The following LPA variants were observed in gnomAD, a reference collection of about 807,000 sequenced individuals.
LPA encodes lipoprotein(a), also known as apolipoprotein(a).
LPA carries 199 observed loss-of-function variants against 197.9 expected under a neutral mutation model. The ratio of observed to expected loss-of-function variants is 1.01; its 90% CI spans 0.90 to 1.13. The LOEUF is 1.13. Ranked by LOEUF, LPA falls within the 50% of genes most tolerant of loss-of-function variation. The pLI is 0.00. For synonymous variants in LPA, 715 were observed against 639.5 expected (o/e 1.12, Z -1.78); for missense variants, 1,853 against 1,785.8 (o/e 1.04, Z -0.68).
chr6:160,596,143 C>T (rs1779127700), intron 20 of LPA, among the ~76,000 whole-genome samples: 1 of 152,198 alleles, frequency 6.6e-6, no homozygotes, highest in South Asian at 2.1e-4. Context: ...TCAAAATCTT[C>T]TTTTCAGCTT....
At chr6:160,585,763 G>A (rs993193305) in intron 25 of LPA, among the ~76,000 whole-genome samples, 1 of 152,040 alleles carries the variant, frequency 6.6e-6, no homozygotes, top group Non-Finnish European at 1.5e-5. Flanking sequence ...AGCCTAGGAG[G>A]GGAGACAGGG....
At chr6:160,662,358 A>G (rs1780241000) in intron 1 of LPA, among the ~76,000 whole-genome samples, 1 of 152,242 alleles carries the variant, frequency 6.6e-6, no homozygotes, top group Admixed American at 6.5e-5. Context: ...TAAAAGACTT[A>G]GCAATTTGTG....
At chr6:160,554,614 T>C (rs992575146) in intron 30 of LPA, among the ~76,000 whole-genome samples, 1 of 152,090 alleles carries the variant, frequency 6.6e-6, no homozygotes, top group African/African-American at 2.4e-5. Context: ...AGAACCCCGG[T>C]ATCCCCCAGT....
At chr6:160,632,809 T>C (rs1245194521) in intron 8 of LPA, among the ~76,000 whole-genome samples, 1 of 48,834 alleles carries the variant, frequency 2.0e-5, no homozygotes, top group African/African-American at 1.4e-4. Flanking sequence ...GAGACTTCTA[T>C]GCGTATTTGT....
rs1034478456 is a variant in LPA, at chr6:160,539,925, C to T, written c.5735+118G>A. ...TGATGCTGTCCCCAAAGCCCTTGAG[C>T]CTTTCATGTGATAGACAGTTCCTCC... On this transcript the variant is annotated intron_variant, in intron 36 of 38. Transcript: ENST00000316300. 29 of 1,401,764 alleles carry T rather than the reference C, an allele frequency of 2.1e-5. No individual in the cohort carries two copies. The Admixed American group carries it at 4.3e-4, about 21-fold the overall frequency. 86.8% of individuals were successfully genotyped at this position (1,401,764 alleles called of 1,614,324 possible). A position where few individuals can be genotyped will look rare whatever the true frequency, so the allele number is the denominator to read the frequency against.
At chr6:160,599,810 C>G (rs1480851170) in intron 19 of LPA, 151 bp from the exon 20 acceptor site, 2 of 780,782 alleles carry the variant, frequency 2.6e-6, no homozygotes, top group Non-Finnish European at 4.2e-6. Context: ...AGAAAACACA[C>G]AAACAAACAC....
At chr6:160,590,087 G>A (rs1334970505) in intron 23 of LPA, among the ~76,000 whole-genome samples, 2 of 152,152 alleles carry the variant, frequency 1.3e-5, no homozygotes, top group African/African-American at 2.4e-5. Flanking sequence ...GTCAGTGGGG[G>A]CAGACATGAA....
chr6:160,553,950 TGTGTGCGCGCGCGC>T (rs1778209404), intron 30 of LPA, among the ~76,000 whole-genome samples: 1 of 120,842 alleles, frequency 8.3e-6, no homozygotes, highest in African/African-American at 3.6e-5. Flanking sequence ...TGTGTGTGTG[TGTGTGCGCGCGCGC>T]GCGTGTGCGT....
chr6:160,547,758 G>A (rs539543202), intron 32 of LPA, 31 bp downstream of exon 32: 2 of 1,613,826 alleles, frequency 1.2e-6, no homozygotes, highest in East Asian at 2.2e-5. Flanking sequence ...TGTCAGCAAA[G>A]GGAAAAAGAG....
intron 28 of LPA, among the ~76,000 whole-genome samples, chr6:160,564,122 T>C (rs1172439452): frequency 6.6e-6 from 1 of 152,230 alleles, no homozygotes; most frequent in Non-Finnish European, 1.5e-5. Context: ...GCTAGCTGGC[T>C]ATTTTGCCCA....
chr6:160,543,831 C>A (rs952811272), intron 33 of LPA, among the ~76,000 whole-genome samples: 1 of 152,200 alleles, frequency 6.6e-6, no homozygotes, highest in African/African-American at 2.4e-5. Flanking sequence ...CTTTCTCCAA[C>A]CAGAGGCTCT....
intron 20 of LPA, among the ~76,000 whole-genome samples, chr6:160,597,431 T>C (rs1184905113): frequency 6.6e-6 from 1 of 152,352 alleles, no homozygotes; most frequent in East Asian, 1.9e-4. Context: ...GTTTCAATGC[T>C]CGTGTGGCTC....
At chr6:160,551,628 TA>T (rs1778167716) in intron 30 of LPA, among the ~76,000 whole-genome samples, 2 of 152,236 alleles carry the variant, frequency 1.3e-5, no homozygotes, top group South Asian at 4.1e-4. Context: ...GTGAAGATTT[TA>T]TATTTTTTCA....
intron 1 of LPA, among the ~76,000 whole-genome samples, chr6:160,651,521 T>C (rs1780005203): frequency 6.6e-6 from 1 of 152,230 alleles, no homozygotes; most frequent in South Asian, 2.1e-4. Context: ...TTGACTCAAT[T>C]GACCACAAAA....
At chr6:160,570,177 C>T (rs1186407654) in intron 28 of LPA, among the ~76,000 whole-genome samples, 5 of 152,212 alleles carry the variant, frequency 3.3e-5, no homozygotes, top group African/African-American at 1.2e-4. Context: ...TATAAAGACA[C>T]ATGCACACAT....
intron 29 of LPA, among the ~76,000 whole-genome samples, chr6:160,556,650 A>T (rs1326207057): frequency 1.3e-5 from 2 of 152,152 alleles, no homozygotes; most frequent in East Asian, 3.9e-4. Context: ...ATGGTCCTGC[A>T]TCTAGTACTT....
rs1779688395 is a variant in LPA at position 160,631,745 on chromosome 6, T to A, written c.1236-1990A>T. 7.9e-5 allele frequency among the ~76,000 whole-genome samples: 12 copies of A among 151,152 alleles called. No homozygotes were observed. In the South Asian group the frequency reaches 1.9e-3, roughly 24 times the overall value. ...CCCTTGAGTTTCACGATTCTGTGAT[T>A]TTTTTTAATGTTCTTCGTAATTGAA... On this transcript the variant is annotated intron_variant, in intron 8 of 38. Transcript: ENST00000316300.
At chr6:160,608,216 A>G (rs1196204134) in intron 16 of LPA, among the ~76,000 whole-genome samples, 5 of 152,080 alleles carry the variant, frequency 3.3e-5, no homozygotes, top group Admixed American at 6.5e-5. Flanking sequence ...TTCTTCTTCT[A>G]CCTAATTCCT....
chr6:160,654,347 C>T (rs965897868), intron 1 of LPA, among the ~76,000 whole-genome samples: 1 of 149,614 alleles, frequency 6.7e-6, no homozygotes, highest in Non-Finnish European at 1.5e-5. Flanking sequence ...TCTGGCCACA[C>T]TGGAACTTGA....
Sources: gnomAD v4.1 joint callset for allele counts (sites outside exome capture counted in the v4.1 genomes callset) on GRCh38, gnomAD v4.1.1 for gene constraint, MANE v1.5 for transcripts, NCBI Gene and HGNC (gene_info 2026-07-23, HGNC 2026-07-21) for gene names.